SH3GLB2: variants seen among roughly 807,000 people sequenced by gnomAD.
SH3GLB2 encodes the protein endophilin-B2.
SH3GLB2 carries 24 observed loss-of-function variants against 48.0 expected under a neutral mutation model. The ratio of observed to expected loss-of-function variants is 0.50; its 90% CI spans 0.36 to 0.70. The LOEUF is 0.70. Among genes scored for constraint, SH3GLB2 ranks in the 30% least tolerant of loss-of-function variants. SH3GLB2 has a pLI of 0.00. For missense variants in SH3GLB2, 425 were observed against 516.0 expected, an observed-to-expected ratio of 0.82 and a Z score of 1.71; for synonymous variants, 227 against 207.6, an observed-to-expected ratio of 1.09 and a Z score of -0.80.
At chr9:129,022,210 C>T in intron 2 of SH3GLB2, 72 bp downstream of exon 2, 4 of 1,572,518 alleles carry the variant, frequency 2.5e-6, no homozygotes, top group Non-Finnish European at 3.4e-6. Context: ...TATGCCACAA[C>T]AGGGCCAGGC....
intron 3 of SH3GLB2, among the ~76,000 whole-genome samples, chr9:129,019,734 G>C (rs1373403486): frequency 6.8e-6 from 1 of 146,522 alleles, no homozygotes; most frequent in Admixed American, 6.8e-5. Flanking sequence ...AAAAAAGTTA[G>C]ATTGTGGAGA....
rs570033543 is a variant in SH3GLB2, at chr9:129,022,267, C to A, written c.205+15G>T. The A allele has an allele frequency of 2.3e-5, 37 of 1,611,852 alleles. 1 individual carries two copies. In the South Asian group the frequency reaches 3.7e-4, roughly 16 times the overall value. ...ACGACTACATCCCTCCCCGGGCCCA[C>A]GAACACGCACTCACTGGGGTTGGGC... On this transcript the variant is annotated intron_variant, in intron 2 of 10. Transcript: ENST00000372564.
At chr9:129,022,489 G>C in intron 1 of SH3GLB2, 66 bp from the exon 2 acceptor site, 1 of 1,434,002 alleles carries the variant, frequency 7.0e-7, no homozygotes, top group Non-Finnish European at 9.6e-7. Context: ...GGGAGTGGTG[G>C]GGAAAGGGAG....
At chr9:129,021,002 A>AT (rs1161792942) in intron 3 of SH3GLB2, 89 bp downstream of exon 3, 3 of 1,280,978 alleles carry the variant, frequency 2.3e-6, no homozygotes, top group African/African-American at 1.5e-5. Context: ...TTGTATAATT[A>AT]TTTTTTTAAG....
chr9:129,016,558 T>A (rs1465240897), intron 3 of SH3GLB2, among the ~76,000 whole-genome samples: 1 of 150,538 alleles, frequency 6.6e-6, no homozygotes, highest in Non-Finnish European at 1.5e-5. Flanking sequence ...CTCAGGAGGC[T>A]GAGGTAGGAT....
chr9:129,022,245 A>G (rs774637179), intron 2 of SH3GLB2, 37 bp downstream of exon 2: 1 of 1,607,560 alleles, frequency 6.2e-7, no homozygotes, highest in South Asian at 1.1e-5. Flanking sequence ...CTGCCCCACG[A>G]CTACATCCCT....
chr9:129,021,286 G>T, intron 2 of SH3GLB2, 67 bp from the exon 3 acceptor site: 1 of 1,493,522 alleles, frequency 6.7e-7, no homozygotes, highest in South Asian at 1.3e-5. Flanking sequence ...AACAGAAACA[G>T]ACCCAGACCC....
chr9:129,020,634 T>C lies in SH3GLB2; in HGVS notation c.334+457A>G, dbSNP rs536520910. On this transcript the variant is annotated intron_variant, in intron 3 of 10. Coordinates refer to ENST00000372564, the MANE Select transcript of SH3GLB2 (RefSeq NM_020145.4). ...TGTAATCCCAGCAGTTTTCGAGGCATAGGCGGGCAGATCACGAGGTCAGGA... is the reference window on the plus strand; with the variant it reads ...TGTAATCCCAGCAGTTTTCGAGGCACAGGCGGGCAGATCACGAGGTCAGGA... 5.3e-5 allele frequency among the ~76,000 whole-genome samples: 8 copies of C among 150,638 alleles called. No individual in the cohort carries two copies. The East Asian group carries it at 7.8e-4, about 15-fold the overall frequency.
chr9:129,020,067 G>A (rs562697314), intron 3 of SH3GLB2, among the ~76,000 whole-genome samples: 3 of 151,834 alleles, frequency 2.0e-5, no homozygotes, highest in Non-Finnish European at 2.9e-5. Flanking sequence ...TTAGCCAGGT[G>A]TGCTGGTGGG....
At chr9:129,016,342 T>TAAAA (rs57505648) in intron 3 of SH3GLB2, among the ~76,000 whole-genome samples, 9 of 34,078 alleles carry the variant, frequency 2.6e-4, no homozygotes, top group Admixed American at 4.5e-4. Flanking sequence ...AGACTGTCTT[T>TAAAA]AAAAAAAAAA....
At chr9:129,009,744 G>A (rs1842993854) in intron 9 of SH3GLB2, 27 bp downstream of exon 9, 3 of 1,596,106 alleles carry the variant, frequency 1.9e-6, no homozygotes, top group African/African-American at 2.7e-5. Context: ...GGGGGCCCCA[G>A]TGGGTTCAGC....
chr9:129,013,012 C>G (rs1403433238), intron 5 of SH3GLB2: 9 of 1,551,044 alleles, frequency 5.8e-6, no homozygotes, highest in Non-Finnish European at 7.8e-6. Context: ...ACTCACATCT[C>G]CCTCACACTG....
intron 3 of SH3GLB2, among the ~76,000 whole-genome samples, chr9:129,018,025 G>C (rs761211711): frequency 1.3e-4 from 20 of 152,110 alleles, no homozygotes; most frequent in Non-Finnish European, 2.6e-4. Context: ...CTGGGAAGTG[G>C]AGCTTGCAGT....
In SH3GLB2 at chr9:129,022,354, G is replaced by C. The variant is rs774874088; in HGVS notation, c.133C>G (p.Arg45Gly). ...LDAHFENLLARADSTKNWTEK... is the reference protein window; with the variant it reads ...LDAHFENLLAGADSTKNWTEK... ...GTCCAGTTCTTGGTGCTGTCTGCCC[G>C]GGCCAGAAGGTTTTCAAAGTGGGCA... Residue 45 changes from arginine to glycine, a missense_variant, in exon 2 of 11, where the codon CGG becomes GGG. By Grantham distance (125) the Arg-to-Gly change is moderately radical (BLOSUM62 -2). Coordinates refer to ENST00000372564, the MANE Select transcript of SH3GLB2 (RefSeq NM_020145.4). 2 of 1,614,132 alleles carry C rather than the reference G, an allele frequency of 1.2e-6. No homozygotes were observed. Among genetic ancestry groups the C allele is most frequent in the Non-Finnish European group, 1.7e-6 (2 of 1,180,024 alleles).
At chr9:129,027,059 C>A (rs923899940) in intron 1 of SH3GLB2, among the ~76,000 whole-genome samples, 2 of 152,140 alleles carry the variant, frequency 1.3e-5, no homozygotes, top group African/African-American at 4.8e-5. Context: ...AAAGACAAGA[C>A]TACAGGACCT....
Position 129,007,516 on chromosome 9 carries a change from C to T in SH3GLB2, c.*1168G>A, listed in dbSNP as rs903620125. 3.9e-5 allele frequency: 6 copies of T among 152,110 alleles called. No homozygotes were observed. Among genetic ancestry groups the T allele is most frequent in the Non-Finnish European group, 7.4e-5 (5 of 68,014 alleles). 9.4% of individuals were successfully genotyped at this position (152,110 alleles called of 1,614,324 possible). A position where few individuals can be genotyped will look rare whatever the true frequency, so the allele number is the denominator to read the frequency against. On this transcript the variant is annotated 3_prime_UTR_variant, in exon 11 of 11. Transcript: ENST00000372564. ...TCAGAATGCTAGGTCCTGCTAGGGG[C>T]CATCTAAAACACAGACATCACTTAG...
intron 3 of SH3GLB2, among the ~76,000 whole-genome samples, chr9:129,020,673 C>A (rs890071848): frequency 6.6e-6 from 1 of 151,818 alleles, no homozygotes; most frequent in African/African-American, 2.4e-5. Flanking sequence ...CGAGACCATC[C>A]TGGCTAACAT....
intron 3 of SH3GLB2, among the ~76,000 whole-genome samples, chr9:129,019,633 C>T (rs1290039092): frequency 3.4e-5 from 5 of 147,544 alleles, no homozygotes; most frequent in Admixed American, 6.8e-5. Flanking sequence ...TGCTTGAACC[C>T]AGGAGGCAGA....
rs553695209 is a variant in SH3GLB2, at chr9:129,011,957, G to A, written c.624+279C>T. 1 of 369,020 alleles carries A rather than the reference G, an allele frequency of 2.7e-6. No individual in the cohort carries two copies. The highest frequency in any genetic ancestry group is 4.8e-6 in the Non-Finnish European group (1 of 207,536). 22.9% of individuals were successfully genotyped at this position (369,020 alleles called of 1,614,324 possible). ...CTGGGGATGGGACAGCTGCCGCCCT[G>A]AGTTCTCCACACTACTCAGTGTGGC... On this transcript the variant is annotated intron_variant, in intron 6 of 10. Coordinates refer to ENST00000372564, the MANE Select transcript of SH3GLB2 (RefSeq NM_020145.4). The surrounding 1 kb of genome is among the most constrained non-coding windows in gnomAD (Gnocchi z 4.5).
Sources: gnomAD v4.1 joint callset for allele counts (sites outside exome capture counted in the v4.1 genomes callset) on GRCh38, gnomAD v4.1.1 for gene constraint, Gnocchi (gnomAD v3.1) non-coding constraint, MANE v1.5 for transcripts, NCBI Gene and HGNC (gene_info 2026-07-23, HGNC 2026-07-21) for gene names.